EPAS1: variants seen among roughly 807,000 people sequenced by gnomAD.
EPAS1 encodes the protein endothelial PAS domain-containing protein 1.
A neutral mutation model predicts 87.9 loss-of-function variants in EPAS1; 23 were observed. The observed-to-expected ratio is 0.26, with a 90% confidence interval of 0.19 to 0.37. The LOEUF is 0.37. Among genes scored for constraint, EPAS1 ranks in the 10% least tolerant of loss-of-function variants. The probability of loss-of-function intolerance (pLI) is 1.00; values close to 1 mark genes in which losing one functional copy is unlikely to be tolerated. For missense variants in EPAS1, 1,138 were observed against 1,120.7 expected, an observed-to-expected ratio of 1.02 and a Z score of -0.22; for synonymous variants, 508 against 444.3, an observed-to-expected ratio of 1.14 and a Z score of -1.80.
chr2:46,322,292 T>A (rs1683470075), intron 1 of EPAS1, among the ~76,000 whole-genome samples: 1 of 152,230 alleles, frequency 6.6e-6, no homozygotes, highest in Admixed American at 6.5e-5. Context: ...AGTTAGAATG[T>A]ATTGAGCACC....
intron 1 of EPAS1, among the ~76,000 whole-genome samples, chr2:46,328,448 G>C (rs529717710): frequency 2.6e-5 from 4 of 152,326 alleles, no homozygotes; most frequent in South Asian, 4.1e-4. Context: ...TGAAGTGCAA[G>C]CTTGAACTCC....
In EPAS1 at chr2:46,385,997, G is replaced by A. The variant is rs918903355; in HGVS notation, c.*1337G>A. On this transcript the variant is annotated 3_prime_UTR_variant, in exon 16 of 16. Transcript: ENST00000263734. Reference sequence around the variant, plus strand: ...TGGACTGAGGAGGAGGCTGCACAGCGGGAGAGCAGCTGGTCCAGACCAGCC... The same window carrying A: ...TGGACTGAGGAGGAGGCTGCACAGCAGGAGAGCAGCTGGTCCAGACCAGCC... The A allele has an allele frequency of 1.3e-5, 2 of 152,686 alleles. No individual in the cohort carries two copies. Among genetic ancestry groups the A allele is most frequent in the African/African-American group, 2.4e-5 (1 of 41,466 alleles). 9.5% of individuals were successfully genotyped at this position (152,686 alleles called of 1,614,324 possible).
intron 2 of EPAS1, among the ~76,000 whole-genome samples, chr2:46,354,327 C>G (rs542741420): frequency 6.6e-6 from 1 of 152,206 alleles, no homozygotes; most frequent in East Asian, 1.9e-4. Flanking sequence ...ACATATTACT[C>G]TCATCCACTT....
At position 46,378,038 on chromosome 2, in the gene EPAS1, C is replaced by T. The variant is rs199710213; in HGVS notation, c.1394C>T (p.Pro465Leu). The change falls in exon 10 of 16, where the codon CCG becomes CTG. Residue 465 changes from proline (P) to leucine (L), a missense_variant. Physicochemically the swap from Pro to Leu is moderately conservative, Grantham distance 98. Transcript: ENST00000263734. Reference sequence around the variant, plus strand: ...TTCACCGTGCCCCAGGCAGCTGCCCCGGGCAGCACCACCCCCAGTGCCACC... The same window carrying T: ...TTCACCGTGCCCCAGGCAGCTGCCCTGGGCAGCACCACCCCCAGTGCCACC... ...PAFTVPQAAAPGSTTPSATSS... is the reference protein window; with the variant it reads ...PAFTVPQAAALGSTTPSATSS... 4.7e-5 allele frequency: 76 copies of T among 1,605,708 alleles called. No homozygotes were observed. The Admixed American group carries it at 7.2e-4, about 15-fold the overall frequency.
In EPAS1 at chr2:46,371,470, C is replaced by G. The variant is rs1684626170; in HGVS notation, c.886+1537C>G. ...TCACTGTGCTCTCTGGCAAAACACA[C>G]ACGCGCACACACAGACACACACACA... On this transcript the variant is annotated intron_variant, in intron 7 of 15. Transcript: ENST00000263734. The surrounding 1 kb of genome is among the most constrained non-coding windows in gnomAD (Gnocchi z 4.3). 6.6e-6 allele frequency among the ~76,000 whole-genome samples: 1 copy of G among 152,200 alleles called. No individual in the cohort carries two copies.
At chr2:46,341,577 A>C (rs533610545) in intron 1 of EPAS1, among the ~76,000 whole-genome samples, 16 of 152,342 alleles carry the variant, frequency 1.1e-4, no homozygotes, top group African/African-American at 3.8e-4. Context: ...TGATCACACC[A>C]ACTCCTAGAT....
rs760470749 is a variant in EPAS1 at position 46,360,736 on chromosome 2, C to G, written c.553C>G (p.Leu185Val). The change falls in exon 5 of 16, where the codon CTC (leucine) becomes GTC (valine). Residue 185 changes from leucine (L) to valine (V), a missense_variant. This residue lies in a region of EPAS1 where 351 missense variants were observed against 417.1 expected (regional missense o/e 0.84). Transcript: ENST00000263734. The surrounding 1 kb of genome is among the most constrained non-coding windows in gnomAD (Gnocchi z 4.5). ...TVTNRGRTVN[L>V]KSATWKVLHC... is the part of the protein sequence containing the mutation. ...CACCAACAGAGGCCGTACTGTCAAC[C>G]TCAAGTCAGCCACCTGGAAGGTAGG... 4 of 1,613,930 alleles carry G rather than the reference C, an allele frequency of 2.5e-6. No homozygotes were observed. In the Admixed American group the frequency reaches 5.0e-5, roughly 20 times the overall value.
intron 1 of EPAS1, among the ~76,000 whole-genome samples, chr2:46,341,701 G>T (rs984747675): frequency 2.0e-5 from 3 of 151,606 alleles, no homozygotes; most frequent in Admixed American, 2.0e-4. Flanking sequence ...GGACCTGGGC[G>T]TCAGTCTTCC....
intron 4 of EPAS1, among the ~76,000 whole-genome samples, chr2:46,358,491 T>C (rs1684315405): frequency 6.6e-6 from 1 of 152,234 alleles, no homozygotes; most frequent in South Asian, 2.1e-4. Context: ...CAGAAACCCT[T>C]TGGCCTTTGG....
intron 1 of EPAS1, among the ~76,000 whole-genome samples, chr2:46,302,704 C>A (rs1683032073): frequency 6.9e-6 from 1 of 145,644 alleles, no homozygotes; most frequent in Non-Finnish European, 1.5e-5. Flanking sequence ...GGGATATGGT[C>A]CTGGTCATCA....
At chr2:46,319,842 A>G (rs550974561) in intron 1 of EPAS1, among the ~76,000 whole-genome samples, 37 of 152,342 alleles carry the variant, frequency 2.4e-4, no homozygotes, top group Non-Finnish European at 4.4e-4. Flanking sequence ...TGTTTAGTCA[A>G]GACAAATCGT....
At chr2:46,378,567 G>A in intron 10 of EPAS1, 90 bp from the exon 11 acceptor site, 1 of 1,076,772 alleles carries the variant, frequency 9.3e-7, no homozygotes, top group South Asian at 1.3e-5. Flanking sequence ...GAACCTTTGG[G>A]TCCAGGAAGG....
chr2:46,318,006 G>C (rs1330217068), intron 1 of EPAS1, among the ~76,000 whole-genome samples: 2 of 152,166 alleles, frequency 1.3e-5, no homozygotes, highest in South Asian at 4.1e-4. Context: ...TATTATGCCT[G>C]GTTTGATCTT....
At chr2:46,339,716 T>C (rs1683870182) in intron 1 of EPAS1, among the ~76,000 whole-genome samples, 1 of 152,198 alleles carries the variant, frequency 6.6e-6, no homozygotes, top group African/African-American at 2.4e-5. Flanking sequence ...GTAAACTGAG[T>C]GGCTTATAAA....
rs201733583 is a variant in EPAS1, at chr2:46,332,752, ACC to A, written c.27-14119_27-14118del. The stretch of plus-strand genomic sequence containing the variant: ...TATGTTATATCACCAGAAGGGTGGA[ACC>A]CTGGCCAAGCCCTGGCATCCTCTGC... On this transcript the variant is annotated intron_variant, in intron 1 of 15. Coordinates refer to ENST00000263734, the MANE Select transcript of EPAS1 (RefSeq NM_001430.5). Among the ~76,000 whole-genome samples, 678 of 138,978 alleles carry A rather than the reference ACC, an allele frequency of 4.9e-3. 4 individuals are homozygous for A. The highest frequency in any genetic ancestry group is 0.017 in the African/African-American group (657 of 39,798). The allele number at this position is 138,978 out of a possible 152,430, so 91.2% of individuals were successfully genotyped here.
intron 1 of EPAS1, among the ~76,000 whole-genome samples, chr2:46,343,999 T>C (rs912595127): frequency 1.3e-5 from 2 of 152,258 alleles, no homozygotes; most frequent in Admixed American, 1.3e-4. Flanking sequence ...CTTCTAAGTG[T>C]CTGCTCACTG....
chr2:46,318,326 C>T (rs573074929), intron 1 of EPAS1, among the ~76,000 whole-genome samples: 16 of 152,194 alleles, frequency 1.1e-4, no homozygotes, highest in Admixed American at 4.6e-4. Flanking sequence ...CATCAAAGAT[C>T]ACTGATCGCA....
At chr2:46,372,490 C>T (rs1263824802) in intron 7 of EPAS1, among the ~76,000 whole-genome samples, 1 of 152,186 alleles carries the variant, frequency 6.6e-6, no homozygotes, top group African/African-American at 2.4e-5. Context: ...TGGAGAAGCT[C>T]AACTAGATTT....
chr2:46,384,448 T>A, intron 15 of EPAS1, 61 bp from the exon 16 acceptor site: 1 of 1,610,882 alleles, frequency 6.2e-7, no homozygotes. Flanking sequence ...CACAAAGAAG[T>A]AGACACTTTT....
Sources: allele counts gnomAD v4.1 joint callset (sites outside exome capture counted in the v4.1 genomes callset), GRCh38; gene constraint gnomAD v4.1.1; regional missense constraint gnomAD v4.1.1; non-coding constraint Gnocchi (gnomAD v3.1); transcripts MANE v1.5; gene names NCBI Gene and HGNC (gene_info 2026-07-23, HGNC 2026-07-21).